Variants in SIM1 observed in about 807,000 individuals in gnomAD.
SIM1 encodes the protein SIM bHLH transcription factor 1.
In SIM1, 18 loss-of-function variants were observed where a neutral mutation model predicts 78.2. That is an observed-to-expected ratio of 0.23 (90% CI 0.16 to 0.34). The LOEUF (loss-of-function observed/expected upper bound fraction) is 0.34, where lower values mean the gene tolerates loss of function less well. Ranked by LOEUF, SIM1 falls within the 10% of genes least tolerant of loss-of-function variation. The probability of loss-of-function intolerance (pLI) is 1.00; values close to 1 mark genes in which losing one functional copy is unlikely to be tolerated. For synonymous variants in SIM1, 417 were observed against 385.2 expected, an observed-to-expected ratio of 1.08 and a Z score of -0.97; for missense variants, 939 against 975.1, an observed-to-expected ratio of 0.96 and a Z score of 0.49.
Position 100,391,083 on chromosome 6 carries a change from G to A in SIM1, c.1579C>T (p.His527Tyr). 1 of 1,571,264 alleles carries A rather than the reference G, an allele frequency of 6.4e-7. No homozygotes were observed. The highest frequency in any genetic ancestry group is 8.6e-7 in the Non-Finnish European group (1 of 1,162,354). The stretch of plus-strand genomic sequence containing the variant: ...CTGACCACACTATCTTCATCCCAAT[G>A]ACCTCGCCCTAAAAATTAGAAAAAG... ...ASVHRIHGRG[H>Y]WDEDSVVSSP... Residue 527 changes from histidine to tyrosine, a missense_variant, in exon 12 of 12, where the codon CAT becomes TAT. Physicochemically the swap from His to Tyr is moderately conservative, Grantham distance 83. This residue lies in a region of SIM1 where 556 missense variants were observed against 521.9 expected (regional missense o/e 1.07). Transcript: ENST00000369208.
At chr6:100,435,883 T>G (rs541824813) in intron 9 of SIM1, among the ~76,000 whole-genome samples, 1 of 152,144 alleles carries the variant, frequency 6.6e-6, no homozygotes, top group South Asian at 2.1e-4. Context: ...CCTGAGGCAA[T>G]GAGATAAACA....
rs1273170932 is a variant in SIM1 at position 100,390,701 on chromosome 6, G to A, written c.1961C>T (p.Ala654Val). The part of the protein sequence containing the change: ...HENDYDNSPT[A>V]LSRISSPNSD... ...ATTGGGACTACTTATCCGAGATAGT[G>A]CGGTGGGACTGTTGTCATAGTCATT... is the stretch of plus-strand genomic sequence containing the variant. Residue 654 changes from alanine to valine, a missense_variant, in exon 12 of 12, where the codon GCA (alanine) becomes GTA (valine). Transcript: ENST00000369208. 6 of 1,614,032 alleles carry A rather than the reference G, an allele frequency of 3.7e-6. No homozygotes were observed. In the African/African-American group the frequency reaches 8.0e-5, roughly 22 times the overall value.
intron 10 of SIM1, among the ~76,000 whole-genome samples, chr6:100,415,302 G>C (rs1771370132): frequency 6.6e-6 from 1 of 152,154 alleles, no homozygotes; most frequent in Non-Finnish European, 1.5e-5. Context: ...GCAATTTCTA[G>C]CAGATAAAGT....
intron 9 of SIM1, among the ~76,000 whole-genome samples, chr6:100,428,662 T>C (rs1029049279): frequency 7.0e-6 from 1 of 142,032 alleles, no homozygotes; most frequent in African/African-American, 3.1e-5. Context: ...AGCACACTAG[T>C]CCCCGCCTTA....
rs573849360 is a variant in SIM1, at chr6:100,410,220, T to C, written c.1167+10570A>G. On this transcript the variant is annotated intron_variant, in intron 10 of 11. Transcript: ENST00000369208. ...CTTTAAATTTACTCTTTAGTTTTAATAATATTTTATTCTATAGATTTTGTT... is the reference window on the plus strand; with the variant it reads ...CTTTAAATTTACTCTTTAGTTTTAACAATATTTTATTCTATAGATTTTGTT... Among the ~76,000 whole-genome samples the C allele has an allele frequency of 8.5e-5, 13 of 152,336 alleles. No homozygotes were observed. In the East Asian group the frequency reaches 1.9e-3, roughly 23 times the overall value.
chr6:100,412,613 AAAGAAAGAAG>A (rs2114491337), intron 10 of SIM1, among the ~76,000 whole-genome samples: 1 of 105,054 alleles, frequency 9.5e-6, no homozygotes, highest in African/African-American at 3.3e-5. Context: ...GAAAGAAAGG[AAAGAAAGAAG>A]GAAAGAAAGA....
rs767580244 is a variant in SIM1, at chr6:100,449,433, C to T, written c.473G>A (p.Arg158His). Residue 158 changes from arginine (R) to histidine (H), a missense_variant, in exon 6 of 12, where the codon CGC (arginine) becomes CAC (histidine). By Grantham distance (29) the Arg-to-His change is conservative. Transcript: ENST00000369208. ...SHFVQEYEIE[R>H]SFFLRMKCVL... The stretch of plus-strand genomic sequence containing the variant: ...GCACTTCATCCTCAGGAAGAAGGAG[C>T]GCTCGATCTCATACTCTGGGAGAGA... 6.2e-7 allele frequency: 1 copy of T among 1,613,912 alleles called. No homozygotes were observed. The highest frequency in any genetic ancestry group is 2.2e-5 in the East Asian group (1 of 44,880).
rs1191265529 is a variant in SIM1, at chr6:100,412,542, GAAAGAAAGAAAGA to G, written c.1167+8235_1167+8247del. Among the ~76,000 whole-genome samples the G allele has an allele frequency of 4.0e-3, 286 of 70,666 alleles. 10 individuals are homozygous for G. The highest frequency in any genetic ancestry group is 8.8e-3 in the East Asian group (9 of 1,018). 46.4% of individuals were successfully genotyped at this position (70,666 alleles called of 152,430 possible). ...ACAGAGCAAGACTCTGTCTAAGAAAGAAAGAAAGAAAGAAAAGAAAGAAAGAAAGAAAGAAAGA... is the reference window on the plus strand; with the variant it reads ...ACAGAGCAAGACTCTGTCTAAGAAAGAAAGAAAGAAAGAAAGAAAGAAAGA... On this transcript the variant is annotated intron_variant, in intron 10 of 11. Coordinates refer to ENST00000369208, the MANE Select transcript of SIM1 (RefSeq NM_005068.3).
chr6:100,427,575 AAAGT>A (rs1454726264), intron 9 of SIM1, among the ~76,000 whole-genome samples: 1 of 152,234 alleles, frequency 6.6e-6, no homozygotes. Context: ...TAACAGCCAA[AAAGT>A]AAGGCAAAAA....
At chr6:100,460,203 G>T (rs1772805291) in intron 2 of SIM1, among the ~76,000 whole-genome samples, 1 of 151,828 alleles carries the variant, frequency 6.6e-6, no homozygotes, top group East Asian at 1.9e-4. Flanking sequence ...GCAAATAAAA[G>T]CTGAAACTTG....
chr6:100,413,113 G>A (rs1489041140), intron 10 of SIM1, among the ~76,000 whole-genome samples: 5 of 152,082 alleles, frequency 3.3e-5, no homozygotes, highest in Non-Finnish European at 5.9e-5. Flanking sequence ...ACACCACCAC[G>A]TTCCTTTATC....
chr6:100,415,739 T>G (rs939295030), intron 10 of SIM1, among the ~76,000 whole-genome samples: 3 of 152,114 alleles, frequency 2.0e-5, no homozygotes, highest in African/African-American at 7.2e-5. Context: ...CACCGCCACT[T>G]TAAGTTCCAG....
At chr6:100,437,747 G>A (rs946605259) in intron 9 of SIM1, among the ~76,000 whole-genome samples, 1 of 152,116 alleles carries the variant, frequency 6.6e-6, no homozygotes, top group Non-Finnish European at 1.5e-5. Flanking sequence ...GAGTATCAAT[G>A]ACAACAGTGA....
At chr6:100,442,142 G>A (rs990132670) in intron 9 of SIM1, among the ~76,000 whole-genome samples, 6 of 152,166 alleles carry the variant, frequency 3.9e-5, no homozygotes, top group African/African-American at 1.4e-4. Flanking sequence ...ACAGCACTTT[G>A]AAACAGATAC....
intron 9 of SIM1, 119 bp downstream of exon 9, chr6:100,447,149 G>A: frequency 2.6e-6 from 3 of 1,152,946 alleles, no homozygotes; most frequent in South Asian, 3.3e-5. Flanking sequence ...AGCACTCGAG[G>A]GTCAAAATGG....
chr6:100,427,210 T>C (rs1771756558), intron 9 of SIM1: 1 of 152,182 alleles, frequency 6.6e-6, no homozygotes, highest in Non-Finnish European at 1.5e-5. Context: ...CAGAGAGAGC[T>C]GACAAGGAGG....
intron 9 of SIM1, among the ~76,000 whole-genome samples, chr6:100,429,368 C>CAA (rs34978126): frequency 1.5e-5 from 2 of 133,232 alleles, no homozygotes. Flanking sequence ...GACTCTGTCT[C>CAA]AAAAAAAAAA....
Position 100,404,193 on chromosome 6 carries a change from G to A in SIM1, c.1168-10304C>T, listed in dbSNP as rs548627397. Among the ~76,000 whole-genome samples, 6 of 152,212 alleles carry A rather than the reference G, an allele frequency of 3.9e-5. No homozygotes were observed. In the South Asian group the frequency reaches 8.3e-4, roughly 21 times the overall value. The stretch of plus-strand genomic sequence containing the variant: ...CCATAGATATTCTTCTTTTGATTAC[G>A]GTCGTTAAGATTCATTCCTGCTTCA... On this transcript the variant is annotated intron_variant, in intron 10 of 11. Transcript: ENST00000369208.
Position 100,390,551 on chromosome 6 carries a change from T to A in SIM1, c.2111A>T (p.Gln704Leu), listed in dbSNP as rs886060895. 4 of 1,614,218 alleles carry A rather than the reference T, an allele frequency of 2.5e-6. No individual in the cohort carries two copies. In the East Asian group the frequency reaches 8.9e-5, roughly 36 times the overall value. Reference protein sequence around the residue: ...VSPNCFGSHRQYFDKHAYTLT... With the variant: ...VSPNCFGSHRLYFDKHAYTLT... ...TGTGTAAGCATGCTTGTCAAAATAC[T>A]GCCGGTGAGAGCCAAAGCAGTTTGG... The change falls in exon 12 of 12, where the codon CAG (glutamine) becomes CTG (leucine). Residue 704 changes from glutamine to leucine, a missense_variant. Gln to Leu is a moderately radical substitution (Grantham distance 113, BLOSUM62 -2). This residue lies in a region of SIM1 where 556 missense variants were observed against 521.9 expected (regional missense o/e 1.07). Transcript: ENST00000369208.
Sources: allele counts gnomAD v4.1 joint callset (sites outside exome capture counted in the v4.1 genomes callset), GRCh38; gene constraint gnomAD v4.1.1; regional missense constraint gnomAD v4.1.1; transcripts MANE v1.5; gene names NCBI Gene and HGNC (gene_info 2026-07-23, HGNC 2026-07-21).